PROCR: variants seen among roughly 807,000 people sequenced by gnomAD.
PROCR encodes protein C receptor, also known as endothelial protein C receptor.
In PROCR, 22 loss-of-function variants were observed where a neutral mutation model predicts 24.2. The ratio of observed to expected loss-of-function variants is 0.91; its 90% CI spans 0.65 to 1.30. The LOEUF (loss-of-function observed/expected upper bound fraction) is 1.30, where lower values mean the gene tolerates loss of function less well. PROCR is among the 50% of genes most tolerant of loss of function. The pLI is 0.00. For missense variants in PROCR, 288 were observed against 307.7 expected (o/e 0.94, Z 0.48); for synonymous variants, 137 against 139.2 (o/e 0.98, Z 0.11).
At chr20:35,187,268 T>C (rs2086136367) in intron 1 of PROCR, among the ~76,000 whole-genome samples, 1 of 152,160 alleles carries the variant, frequency 6.6e-6, no homozygotes, top group South Asian at 2.1e-4. Flanking sequence ...GGTTTCACCA[T>C]GTTGCCCAGG....
Position 35,176,444 on chromosome 20 carries a change from A to G in PROCR, c.599A>G (p.Lys200Arg). 6.2e-7 allele frequency: 1 copy of G among 1,613,776 alleles called. No individual in the cohort carries two copies. Among genetic ancestry groups the G allele is most frequent in the Non-Finnish European group, 8.5e-7 (1 of 1,179,842 alleles). ...VQKHISAENTKGSQTSRSYTS... is the reference protein window; with the variant it reads ...VQKHISAENTRGSQTSRSYTS... Reference sequence around the variant, plus strand: ...AAACATATTTCCGCGGAAAACACGAAAGGTATGATGGGACGGGGCCCAGGC... The same window carrying G: ...AAACATATTTCCGCGGAAAACACGAGAGGTATGATGGGACGGGGCCCAGGC... The change falls in exon 3 of 4, where the codon AAA becomes AGA. Residue 200 changes from lysine (K) to arginine (R), a missense_variant and splice_region_variant. Physicochemically the swap from Lys to Arg is conservative, Grantham distance 26. Transcript: ENST00000216968.
chr20:35,171,835 C>G (rs979793167), upstream of PROCR, among the ~76,000 whole-genome samples: 49 of 152,122 alleles, frequency 3.2e-4, no homozygotes, highest in Admixed American at 6.6e-5. Flanking sequence ...CCCTTCTCCC[C>G]CTTTTCCGCT....
intron 1 of PROCR, among the ~76,000 whole-genome samples, chr20:35,193,027 G>GCCAAACACAAAAAAGCCAAACACAAAAAA (rs1371658802): frequency 6.6e-6 from 1 of 151,978 alleles, no homozygotes; most frequent in Non-Finnish European, 1.5e-5. Context: ...ACACAAAAAA[G>GCCAAACACAAAAAAGCCAAACACAAAAAA]TATAAACTAT....
chr20:35,211,639 CA>C lies in PROCR; in HGVS notation c.95-4248del, dbSNP rs570907271. 3.1e-3 allele frequency among the ~76,000 whole-genome samples: 471 copies of C among 152,184 alleles called. 2 individuals carry two copies. The highest frequency in any genetic ancestry group is 6.8e-3 in the Middle Eastern group (2 of 294). ...TAATGTATGAGGTGCCAGAGTTACC[CA>C]AAAAACAAACAAAGCACAATCCATA... On this transcript the variant is annotated intron_variant, in intron 1 of 1. Coordinates refer to the PROCR transcript ENST00000634509.
intron 1 of PROCR, chr20:35,203,388 A>G (rs1169609057): frequency 6.6e-6 from 1 of 152,226 alleles, no homozygotes; most frequent in Non-Finnish European, 1.5e-5. Context: ...GTTATTAGAC[A>G]TAATGTTATT....
chr20:35,200,014 A>T (rs2060312890), intron 1 of PROCR, among the ~76,000 whole-genome samples: 2 of 152,214 alleles, frequency 1.3e-5, no homozygotes, highest in Admixed American at 1.3e-4. Context: ...AAATAGCAAG[A>T]TAACTAGAAT....
rs1215976854 is a variant in PROCR, at chr20:35,205,568, G to A, written c.95-10325G>A. On this transcript the variant is annotated intron_variant, in intron 1 of 1. Transcript: ENST00000634509. ...AGAGTTCAAGACCAGCCTTACCAAC[G>A]TGGAGAAACCTCGTCTCCACTAAAA... Among the ~76,000 whole-genome samples, 6 of 149,100 alleles carry A rather than the reference G, an allele frequency of 4.0e-5. No individual in the cohort carries two copies. The East Asian group carries it at 6.0e-4, about 15-fold the overall frequency.
At chr20:35,208,221 C>G (rs1162602509) in intron 1 of PROCR, among the ~76,000 whole-genome samples, 1 of 152,248 alleles carries the variant, frequency 6.6e-6, no homozygotes, top group Non-Finnish European at 1.5e-5. Flanking sequence ...GCTGACTTCA[C>G]AGGCTGGCTC....
chr20:35,208,264 AT>A (rs2060349287), intron 1 of PROCR, among the ~76,000 whole-genome samples: 1 of 152,114 alleles, frequency 6.6e-6, no homozygotes, highest in Non-Finnish European at 1.5e-5. Context: ...TGGAGCTTTC[AT>A]TTTCTCTCTT....
At chr20:35,203,217 G>T (rs1479792143) in intron 1 of PROCR, 3 of 151,434 alleles carry the variant, frequency 2.0e-5, no homozygotes, top group African/African-American at 7.3e-5. Context: ...CAGAGGTTGT[G>T]GTGAGCCGAG....
At chr20:35,205,909 C>G (rs926841074) in intron 1 of PROCR, among the ~76,000 whole-genome samples, 2 of 143,720 alleles carry the variant, frequency 1.4e-5, no homozygotes, top group African/African-American at 2.6e-5. Flanking sequence ...TCCGGTGATC[C>G]CCCCCCCAAC....
At chr20:35,172,930 T>C (rs2085964373) in intron 1 of PROCR, among the ~76,000 whole-genome samples, 1 of 152,182 alleles carries the variant, frequency 6.6e-6, no homozygotes, top group African/African-American at 2.4e-5. Context: ...GGTTAATACA[T>C]GTATTGACCC....
chr20:35,203,766 A>G (rs1168791970), intron 1 of PROCR, among the ~76,000 whole-genome samples: 1 of 152,152 alleles, frequency 6.6e-6, no homozygotes, highest in Non-Finnish European at 1.5e-5. Context: ...AAACATATCA[A>G]AATTTATGGG....
chr20:35,207,042 T>C (rs975844644), intron 1 of PROCR, among the ~76,000 whole-genome samples: 1 of 152,144 alleles, frequency 6.6e-6, no homozygotes, highest in Non-Finnish European at 1.5e-5. Context: ...CTCAACAACA[T>C]GGATGAATCT....
At chr20:35,211,956 G>A (rs557233637) in intron 1 of PROCR, among the ~76,000 whole-genome samples, 1 of 152,148 alleles carries the variant, frequency 6.6e-6, no homozygotes, top group Non-Finnish European at 1.5e-5. Context: ...GGCAGAGGTT[G>A]TAGTGAGCCA....
At chr20:35,178,884 C>G (rs2086052172), downstream of PROCR, among the ~76,000 whole-genome samples, 1 of 150,720 alleles carries the variant, frequency 6.6e-6, no homozygotes, top group South Asian at 2.1e-4. Flanking sequence ...AAAAACAATA[C>G]CCAATTCATA....
At chr20:35,208,647 A>G (rs1600755928) in intron 1 of PROCR, among the ~76,000 whole-genome samples, 1 of 152,236 alleles carries the variant, frequency 6.6e-6, no homozygotes, top group African/African-American at 2.4e-5. Context: ...TGGAAAGACT[A>G]CGACACTATA....
At chr20:35,190,154 T>C (rs544753853) in intron 1 of PROCR, among the ~76,000 whole-genome samples, 1 of 152,326 alleles carries the variant, frequency 6.6e-6, no homozygotes, top group East Asian at 1.9e-4. Flanking sequence ...CTCTATTTCT[T>C]CTAATATCTC....
At chr20:35,202,214 CTATACCAAAA>C (rs1291542268) in intron 1 of PROCR, 1 of 152,056 alleles carries the variant, frequency 6.6e-6, no homozygotes, top group African/African-American at 2.4e-5. Context: ...TGTTCTCTGG[CTATACCAAAA>C]TTAAACAAGA....
Sources: allele counts gnomAD v4.1 joint callset (sites outside exome capture counted in the v4.1 genomes callset), GRCh38; gene constraint gnomAD v4.1.1; transcripts MANE v1.5; gene names NCBI Gene and HGNC (gene_info 2026-07-23, HGNC 2026-07-21).